The following NRG2 variants were observed in gnomAD, a reference collection of about 807,000 sequenced individuals.
NRG2 encodes pro-neuregulin-2, membrane-bound isoform.
In NRG2, 27 loss-of-function variants were observed where a neutral mutation model predicts 73.9. The observed-to-expected ratio is 0.37, with a 90% CI of 0.27 to 0.50. NRG2 has a LOEUF of 0.50. Among genes scored for constraint, NRG2 ranks in the 20% least tolerant of loss-of-function variants. The probability of loss-of-function intolerance (pLI) is 0.96; values close to 1 mark genes in which losing one functional copy is unlikely to be tolerated. For missense variants in NRG2, 1,126 were observed against 1,210.1 expected (o/e 0.93, Z 1.03); for synonymous variants, 532 against 541.0 (o/e 0.98, Z 0.23).
At chr5:139,992,799 A>G (rs1306831805) in intron 1 of NRG2, among the ~76,000 whole-genome samples, 1 of 152,214 alleles carries the variant, frequency 6.6e-6, no homozygotes, top group Non-Finnish European at 1.5e-5. Context: ...CTTCCCAGCT[A>G]TGAGCCCCTC....
At chr5:139,980,242 C>T (rs1443339852) in intron 1 of NRG2, among the ~76,000 whole-genome samples, 1 of 152,098 alleles carries the variant, frequency 6.6e-6, no homozygotes, top group Admixed American at 6.5e-5. Flanking sequence ...CCAGCTCTCT[C>T]CTGACTCTTG....
At chr5:140,032,005 C>G (rs1761193883) in intron 1 of NRG2, among the ~76,000 whole-genome samples, 1 of 152,180 alleles carries the variant, frequency 6.6e-6, no homozygotes, top group East Asian at 1.9e-4. Context: ...CCCACCACCC[C>G]CTTTCAAAAC....
rs138548206 is a variant in NRG2 at position 139,915,674 on chromosome 5, C to A, written c.701-28163G>T. Among the ~76,000 whole-genome samples, 26 of 152,260 alleles carry A rather than the reference C, an allele frequency of 1.7e-4. No homozygotes were observed. Among genetic ancestry groups the A allele is most frequent in the African/African-American group, 6.0e-4 (25 of 41,548 alleles). The stretch of plus-strand genomic sequence containing the variant: ...TCAGACAACTCTGAATATTGTCATT[C>A]AATTTACAAGTAGCAGAACTGTATA... On this transcript the variant is annotated intron_variant, in intron 1 of 9. Transcript: ENST00000361474. This position sits in a 1 kb window ranked among gnomAD's most constrained non-coding sequence, Gnocchi z 4.0.
Position 139,852,505 on chromosome 5 carries a change from T to C in NRG2, c.1471A>G (p.Thr491Ala), listed in dbSNP as rs1171481323. The change falls in exon 8 of 10, where the codon ACC (threonine) becomes GCC (alanine). Residue 491 changes from threonine to alanine, a missense_variant. By Grantham distance (58) the Thr-to-Ala change is moderately conservative. Around this residue, in one of 3 missense-constraint regions of NRG2, gnomAD observed 539 missense variants for 703.2 expected, o/e 0.77. Transcript: ENST00000361474. The surrounding 1 kb of genome is among the most constrained non-coding windows in gnomAD (Gnocchi z 4.4). ...TDHVIRRETE[T>A]TFSGSHSCSP... The stretch of plus-strand genomic sequence containing the variant: ...CAGGAGTGGCTCCCAGAGAAGGTGG[T>C]CTCAGTTTCTCTCCTGATGACATGG... 6.2e-7 allele frequency: 1 copy of C among 1,614,036 alleles called. No individual in the cohort carries two copies. The highest frequency in any genetic ancestry group is 1.7e-5 in the Admixed American group (1 of 60,014).
chr5:140,019,953 C>A (rs1334819546), intron 1 of NRG2, among the ~76,000 whole-genome samples: 1 of 152,150 alleles, frequency 6.6e-6, no homozygotes, highest in African/African-American at 2.4e-5. Flanking sequence ...AGGGTTTCAC[C>A]ATGTTGGCCA....
At position 139,904,736 on chromosome 5, in the gene NRG2, T is replaced by C. The variant is rs574355465; in HGVS notation, c.701-17225A>G. ...AGCTGGGCTGGGGGCCTGAGCATGA[T>C]TGGGGAGGGCGGAGTAGAGATCCCC... On this transcript the variant is annotated intron_variant, in intron 1 of 9. Coordinates refer to ENST00000361474, the MANE Select transcript of NRG2 (RefSeq NM_004883.3). This position sits in a 1 kb window ranked among gnomAD's most constrained non-coding sequence, Gnocchi z 6.0. Among the ~76,000 whole-genome samples the C allele has an allele frequency of 1.8e-3, 266 of 151,944 alleles. 2 individuals are homozygous for C. Among genetic ancestry groups the C allele is most frequent in the African/African-American group, 6.1e-3 (253 of 41,470 alleles).
At chr5:139,910,882 C>T (rs766338522) in intron 1 of NRG2, among the ~76,000 whole-genome samples, 4 of 152,028 alleles carry the variant, frequency 2.6e-5, no homozygotes, top group Non-Finnish European at 5.9e-5. Flanking sequence ...ATTTTCAGAC[C>T]CTCTTTGGAG....
intron 5 of NRG2, chr5:139,859,946 A>AG (rs1561631006): frequency 1.3e-6 from 2 of 1,488,644 alleles, no homozygotes; most frequent in Non-Finnish European, 1.9e-6. Context: ...TCACAAAGGG[A>AG]GGGGTGGAGG....
At chr5:140,038,409 T>A (rs1015361187) in intron 1 of NRG2, among the ~76,000 whole-genome samples, 1 of 152,212 alleles carries the variant, frequency 6.6e-6, no homozygotes, top group African/African-American at 2.4e-5. Flanking sequence ...TATTCTCCAG[T>A]GCTCAAATCC....
Position 140,042,706 on chromosome 5 carries a change from C to T in NRG2, c.364G>A (p.Asp122Asn). Residue 122 changes from aspartate (D) to asparagine (N), a missense_variant, in exon 1 of 10, where the codon GAC becomes AAC. This residue lies in a region of NRG2 where 539 missense variants were observed against 703.2 expected (regional missense o/e 0.77). Transcript: ENST00000361474. ...CYSPSLKSVQ[D>N]QAYKAPVVVE... is the part of the protein sequence containing the mutation. ...ACCACGGGTGCCTTGTACGCCTGGT[C>T]CTGCACTGACTTGAGGCTGGGCGAG... The T allele has an allele frequency of 6.3e-7, 1 of 1,577,122 alleles. No homozygotes were observed. Among genetic ancestry groups the T allele is most frequent in the Non-Finnish European group, 8.6e-7 (1 of 1,161,838 alleles).
At chr5:139,942,998 G>A (rs900372079) in intron 1 of NRG2, among the ~76,000 whole-genome samples, 2 of 152,180 alleles carry the variant, frequency 1.3e-5, no homozygotes, top group Non-Finnish European at 1.5e-5. Context: ...ATGTCACCAC[G>A]CCTGGCTAGT....
intron 1 of NRG2, among the ~76,000 whole-genome samples, chr5:139,919,685 G>A (rs929322439): frequency 2.0e-5 from 3 of 152,068 alleles, no homozygotes; most frequent in African/African-American, 7.2e-5. Flanking sequence ...TATATACTTG[G>A]CATGCAAATA....
chr5:139,982,287 G>A (rs937686647), intron 1 of NRG2, among the ~76,000 whole-genome samples: 84 of 151,990 alleles, frequency 5.5e-4, no homozygotes, highest in African/African-American at 1.9e-3. Flanking sequence ...GCATGATCCC[G>A]GGGCACTCCT....
chr5:139,964,868 G>T (rs1358109799), intron 1 of NRG2, among the ~76,000 whole-genome samples: 2 of 152,230 alleles, frequency 1.3e-5, no homozygotes, highest in African/African-American at 4.8e-5. Context: ...AGCGATGCCA[G>T]GAGAGATGGT....
intron 1 of NRG2, among the ~76,000 whole-genome samples, chr5:139,923,384 T>C (rs1751822619): frequency 2.0e-5 from 3 of 152,148 alleles, no homozygotes; most frequent in South Asian, 4.1e-4. Context: ...AGGCACTCTG[T>C]TGGGGATAGC....
chr5:139,970,935 T>C (rs745483603), intron 1 of NRG2, among the ~76,000 whole-genome samples: 1 of 152,204 alleles, frequency 6.6e-6, no homozygotes, highest in Non-Finnish European at 1.5e-5. Context: ...CCAGTCTCCA[T>C]AACCAGTTTT....
rs1188788523 is a variant in NRG2, at chr5:139,994,341, C to T, written c.700+48029G>A. On this transcript the variant is annotated intron_variant, in intron 1 of 9. Transcript: ENST00000361474. ...TTTGAGAACAATTGCAAACTCTTCA[C>T]ATTTGGTAGCTGTGTCTTATTCAGC... Among the ~76,000 whole-genome samples, 10 of 152,204 alleles carry T rather than the reference C, an allele frequency of 6.6e-5. 1 individual carries two copies. Among genetic ancestry groups the T allele is most frequent in the Non-Finnish European group, 7.3e-5 (5 of 68,042 alleles).
rs549774619 is a variant in NRG2 at position 139,982,616 on chromosome 5, C to T, written c.700+59754G>A. Among the ~76,000 whole-genome samples, 214 of 152,284 alleles carry T rather than the reference C, an allele frequency of 1.4e-3. 2 individuals carry two copies. Among genetic ancestry groups the T allele is most frequent in the African/African-American group, 5.0e-3 (206 of 41,568 alleles). On this transcript the variant is annotated intron_variant, in intron 1 of 9. Transcript: ENST00000361474. ...AGCAGAGCGCGTCAGTCCTAGACAG[C>T]GAGTTTCCGGTTCTTTGAGAGTTGG...
chr5:140,004,112 T>C (rs1157989582), intron 1 of NRG2, among the ~76,000 whole-genome samples: 1 of 152,174 alleles, frequency 6.6e-6, no homozygotes, highest in Non-Finnish European at 1.5e-5. Context: ...TTTTGCAAAT[T>C]TTCTGTGAGT....
Sources: allele counts gnomAD v4.1 joint callset (sites outside exome capture counted in the v4.1 genomes callset), GRCh38; gene constraint gnomAD v4.1.1; regional missense constraint gnomAD v4.1.1; non-coding constraint Gnocchi (gnomAD v3.1); transcripts MANE v1.5; gene names NCBI Gene and HGNC (gene_info 2026-07-23, HGNC 2026-07-21).